Variants in BRWD1 observed in about 807,000 individuals in gnomAD.
The protein encoded by BRWD1 is bromodomain and WD repeat-containing protein 1.
Under a neutral mutation model 251.2 loss-of-function variants are expected in BRWD1, and 82 were observed. The observed-to-expected ratio is 0.33, with a 90% CI of 0.27 to 0.39. The LOEUF is 0.39. Ranked by LOEUF, BRWD1 falls within the 10% of genes least tolerant of loss-of-function variation. BRWD1 has a pLI of 1.00. For missense variants in BRWD1, 2,233 were observed against 2,711.6 expected, an observed-to-expected ratio of 0.82 and a Z score of 3.92; for synonymous variants, 918 against 902.8, an observed-to-expected ratio of 1.02 and a Z score of -0.30.
At chr21:39,259,845 T>A (rs1022319328) in intron 17 of BRWD1, among the ~76,000 whole-genome samples, 1 of 151,470 alleles carries the variant, frequency 6.6e-6, no homozygotes, top group African/African-American at 2.4e-5. Context: ...CTCAAAAAAA[T>A]AAATAAATAA....
At chr21:39,301,233 A>G (rs1423089151) in intron 4 of BRWD1, among the ~76,000 whole-genome samples, 1 of 151,886 alleles carries the variant, frequency 6.6e-6, no homozygotes, top group Admixed American at 6.6e-5. Flanking sequence ...AGCTTCTGAC[A>G]TGCCCGCTAA....
At position 39,250,788 on chromosome 21, in the gene BRWD1, T is replaced by C; in HGVS notation, c.2349+8A>G. 6.6e-7 allele frequency: 1 copy of C among 1,519,210 alleles called. No individual in the cohort carries two copies. The highest frequency in any genetic ancestry group is 8.9e-7 in the Non-Finnish European group (1 of 1,120,748). 94.1% of individuals were successfully genotyped at this position (1,519,210 alleles called of 1,614,324 possible). On this transcript the variant is annotated splice_region_variant and intron_variant, in intron 20 of 40. Transcript: ENST00000342449. The stretch of plus-strand genomic sequence containing the variant: ...TCTAATTTGCTAAGAAAACAGAATT[T>C]AGGTTACCTTATGTGAGAGCTGAAG...
chr21:39,287,254 A>G (rs2035670074), intron 8 of BRWD1, among the ~76,000 whole-genome samples: 1 of 152,168 alleles, frequency 6.6e-6, no homozygotes, highest in Non-Finnish European at 1.5e-5. Flanking sequence ...CACACATTAC[A>G]CTAACGTTTG....
intron 8 of BRWD1, among the ~76,000 whole-genome samples, chr21:39,292,902 A>G (rs2035856388): frequency 6.6e-6 from 1 of 152,240 alleles, no homozygotes; most frequent in South Asian, 2.1e-4. Flanking sequence ...TTGAACATCA[A>G]TAAATAGTGT....
At chr21:39,290,704 A>C (rs1419623862) in intron 8 of BRWD1, among the ~76,000 whole-genome samples, 1 of 152,222 alleles carries the variant, frequency 6.6e-6, no homozygotes, top group Non-Finnish European at 1.5e-5. Flanking sequence ...CATTCATATC[A>C]AACTATAAAA....
chr21:39,313,061 C>T lies in BRWD1; in HGVS notation c.138+11G>A, dbSNP rs1474105045. 2.1e-6 allele frequency: 3 copies of T among 1,430,474 alleles called. No homozygotes were observed. The highest frequency in any genetic ancestry group is 1.8e-6 in the Non-Finnish European group (2 of 1,090,702). 88.6% of individuals were successfully genotyped at this position (1,430,474 alleles called of 1,614,324 possible). On this transcript the variant is annotated intron_variant, in intron 3 of 40. Coordinates refer to ENST00000342449, the MANE Select transcript of BRWD1 (RefSeq NM_033656.4). ...GAACCCGAGGGAGCGCGGGGACGGG[C>T]GCGCACAGACCTGGTACTGCTCCAG...
chr21:39,231,566 A>G (rs1002374825), intron 25 of BRWD1, among the ~76,000 whole-genome samples: 1 of 152,162 alleles, frequency 6.6e-6, no homozygotes, highest in Non-Finnish European at 1.5e-5. Context: ...AAATTACCAG[A>G]AGAGTAAAAT....
chr21:39,319,070 G>A (rs1020045024), intron 1 of BRWD1, among the ~76,000 whole-genome samples: 7 of 152,144 alleles, frequency 4.6e-5, no homozygotes, highest in Non-Finnish European at 1.0e-4. Context: ...TCGATTTTTG[G>A]AGGACTTTCA....
At chr21:39,317,474 G>T (rs1183392450), upstream of BRWD1, among the ~76,000 whole-genome samples, 1 of 152,244 alleles carries the variant, frequency 6.6e-6, no homozygotes, top group East Asian at 1.9e-4. Context: ...AAGCTGAGGC[G>T]CAGAGGAAGT....
intron 16 of BRWD1, 78 bp from the exon 17 acceptor site, chr21:39,264,763 A>G: frequency 6.7e-7 from 1 of 1,493,484 alleles, no homozygotes; most frequent in South Asian, 1.2e-5. Flanking sequence ...CAGTTAATTA[A>G]AACTAGAAAA....
chr21:39,282,105 T>C (rs745422876), intron 8 of BRWD1, among the ~76,000 whole-genome samples: 4 of 151,772 alleles, frequency 2.6e-5, no homozygotes, highest in African/African-American at 4.8e-5. Flanking sequence ...TATAAACATA[T>C]ATATAAAATA....
chr21:39,267,391 C>G (rs983611644), intron 15 of BRWD1, among the ~76,000 whole-genome samples: 4 of 152,010 alleles, frequency 2.6e-5, no homozygotes, highest in Non-Finnish European at 5.9e-5. Flanking sequence ...GTCAGGAGAT[C>G]GAGACCATCC....
intron 25 of BRWD1, among the ~76,000 whole-genome samples, chr21:39,230,320 A>G (rs908023389): frequency 9.5e-4 from 144 of 152,282 alleles, no homozygotes; most frequent in African/African-American, 2.9e-3. Flanking sequence ...TAGGAATACA[A>G]CAGATCATTC....
chr21:39,236,908 T>TA (rs1169024554), intron 22 of BRWD1, 124 bp from the exon 23 acceptor site: 22 of 768,190 alleles, frequency 2.9e-5, no homozygotes, highest in Non-Finnish European at 3.9e-5. Context: ...CAGAAAGACT[T>TA]AACTTGAGCA....
chr21:39,303,166 T>G (rs1490971767), intron 4 of BRWD1, among the ~76,000 whole-genome samples: 2 of 152,142 alleles, frequency 1.3e-5, no homozygotes, highest in African/African-American at 4.8e-5. Flanking sequence ...ATATTGGTAA[T>G]GTATATTGAA....
At chr21:39,244,921 A>AATAAATATATATATATATAT (rs1330847340) in intron 21 of BRWD1, among the ~76,000 whole-genome samples, 4 of 112,556 alleles carry the variant, frequency 3.6e-5, no homozygotes, top group South Asian at 6.2e-4. Flanking sequence ...CTTTGGAAGA[A>AATAAATATATATATATATAT]ATATATATAT....
chr21:39,228,674 G>A (rs1330684567), intron 26 of BRWD1, 92 bp from the exon 27 acceptor site: 19 of 624,798 alleles, frequency 3.0e-5, no homozygotes, highest in East Asian at 1.1e-4. Context: ...TGAGATCTAC[G>A]AATGTAATTT....
At chr21:39,228,974 T>TA (rs2033497443) in intron 26 of BRWD1, among the ~76,000 whole-genome samples, 3 of 152,210 alleles carry the variant, frequency 2.0e-5, no homozygotes, top group African/African-American at 7.2e-5. Context: ...GTAACCTTAT[T>TA]AGACAGCACA....
chr21:39,302,034 G>A (rs992923687), intron 4 of BRWD1, among the ~76,000 whole-genome samples: 2 of 145,056 alleles, frequency 1.4e-5, no homozygotes, highest in Non-Finnish European at 3.0e-5. Flanking sequence ...CCAGGCTGGA[G>A]TGTAGTGGCC....
Sources: gnomAD v4.1 joint callset for allele counts (sites outside exome capture counted in the v4.1 genomes callset) on GRCh38, gnomAD v4.1.1 for gene constraint, MANE v1.5 for transcripts, NCBI Gene and HGNC (gene_info 2026-07-23, HGNC 2026-07-21) for gene names.